The following OPRPN variants were observed in gnomAD, a reference collection of about 807,000 sequenced individuals.
OPRPN encodes the protein basic proline-rich lacrimal protein.
In OPRPN, 1 loss-of-function variant was observed where a neutral mutation model predicts 2.2. The observed-to-expected ratio is 0.45, with a 90% CI of 0.16 to 2.15. The LOEUF (loss-of-function observed/expected upper bound fraction) is 2.15, where lower values mean the gene tolerates loss of function less well. OPRPN is among the 30% of genes most tolerant of loss of function. The pLI, the probability that OPRPN is intolerant of heterozygous loss-of-function variation, is 0.28. For missense variants in OPRPN, 306 were observed against 297.3 expected, an observed-to-expected ratio of 1.03 and a Z score of -0.21; for synonymous variants, 126 against 111.5, an observed-to-expected ratio of 1.13 and a Z score of -0.82.
chr4:70,399,231 C>A lies in OPRPN; in HGVS notation c.-15-40C>A, dbSNP rs868762521. ...ATTTTTTCTGAAAAACACTGTTGAT[C>A]GATTTGGCTAACTGTGGATAATCTT... On this transcript the variant is annotated intron_variant, in intron 1 of 2. Transcript: ENST00000399575. 4 of 1,440,036 alleles carry A rather than the reference C, an allele frequency of 2.8e-6. No homozygotes were observed. In the African/African-American group the frequency reaches 4.3e-5, roughly 15 times the overall value. 89.2% of individuals were successfully genotyped at this position (1,440,036 alleles called of 1,614,324 possible).
At chr4:70,408,813 G>T (rs752363662) in intron 2 of OPRPN, among the ~76,000 whole-genome samples, 1 of 152,128 alleles carries the variant, frequency 6.6e-6, no homozygotes, top group African/African-American at 2.4e-5. Context: ...TAGCTCCATA[G>T]GCTTTTTGTT....
intron 2 of OPRPN, among the ~76,000 whole-genome samples, chr4:70,408,508 T>C (rs1200966181): frequency 6.6e-6 from 1 of 152,220 alleles, no homozygotes; most frequent in African/African-American, 2.4e-5. Context: ...AATTATTTCT[T>C]GAATTGCTAC....
intron 1 of OPRPN, among the ~76,000 whole-genome samples, chr4:70,398,605 C>T (rs756931655): frequency 3.3e-5 from 5 of 151,750 alleles, no homozygotes; most frequent in African/African-American, 1.2e-4. Flanking sequence ...ACCCAGGGTG[C>T]CATGTGCTTC....
At chr4:70,404,134 C>G (rs1413357460) in intron 2 of OPRPN, among the ~76,000 whole-genome samples, 1 of 152,136 alleles carries the variant, frequency 6.6e-6, no homozygotes, top group Non-Finnish European at 1.5e-5. Context: ...TTGGATGAAA[C>G]CACATTTGTC....
rs138004221 is a variant in OPRPN at position 70,405,322 on chromosome 4, T to C, written c.52-4058T>C. ...TAGGAAAAGATAAAAATAATAAGAATGGAGATCAGGGGTCAGCTATTTGCT... is the reference window on the plus strand; with the variant it reads ...TAGGAAAAGATAAAAATAATAAGAACGGAGATCAGGGGTCAGCTATTTGCT... On this transcript the variant is annotated intron_variant, in intron 2 of 2. Transcript: ENST00000399575. Among the ~76,000 whole-genome samples, 951 of 152,234 alleles carry C rather than the reference T, an allele frequency of 6.2e-3. 7 individuals carry two copies. Among genetic ancestry groups the C allele is most frequent in the Middle Eastern group, 0.017 (5 of 294 alleles).
chr4:70,410,172 C>CTAAA lies in OPRPN; in HGVS notation c.*102_*105dup, dbSNP rs3046574. On this transcript the variant is annotated 3_prime_UTR_variant, in exon 3 of 3. Coordinates refer to ENST00000399575, the MANE Select transcript of OPRPN (RefSeq NM_021225.5). The stretch of plus-strand genomic sequence containing the variant: ...AACCAACCCTGATCTAACCAGCACA[C>CTAAA]TAAATAAAGTATTTGAGCAATAATA... 0.43 allele frequency: 332,168 copies of CTAAA among 780,120 alleles called. 77,125 individuals are homozygous for CTAAA. The highest frequency in any genetic ancestry group is 0.65 in the East Asian group (23,309 of 35,862). 48.3% of individuals were successfully genotyped at this position (780,120 alleles called of 1,614,324 possible).
chr4:70,403,745 T>G (rs1733028937), intron 2 of OPRPN, among the ~76,000 whole-genome samples: 1 of 152,100 alleles, frequency 6.6e-6, no homozygotes, highest in African/African-American at 2.4e-5. Context: ...AAACAAAATT[T>G]TAACTTGCCT....
intron 2 of OPRPN, among the ~76,000 whole-genome samples, chr4:70,402,910 A>G (rs1419392970): frequency 6.6e-6 from 1 of 152,008 alleles, no homozygotes; most frequent in Non-Finnish European, 1.5e-5. Flanking sequence ...AGAGAGTTAG[A>G]GGAGGGTGAG....
At chr4:70,404,354 C>T (rs1438688056) in intron 2 of OPRPN, among the ~76,000 whole-genome samples, 1 of 152,172 alleles carries the variant, frequency 6.6e-6, no homozygotes, top group Non-Finnish European at 1.5e-5. Context: ...CTCTAAATGT[C>T]AGAGTCTCCC....
intron 2 of OPRPN, among the ~76,000 whole-genome samples, chr4:70,407,622 G>A (rs964176667): frequency 3.9e-5 from 6 of 152,194 alleles, no homozygotes; most frequent in Non-Finnish European, 8.8e-5. Context: ...GCTAGGAATG[G>A]AGAGAGATAA....
At chr4:70,399,475 T>C in intron 2 of OPRPN, 139 bp downstream of exon 2, 1 of 663,760 alleles carries the variant, frequency 1.5e-6, no homozygotes, top group East Asian at 2.8e-5. Flanking sequence ...TTGCTCTTAC[T>C]TTCCTTTTCC....
chr4:70,398,469 C>T (rs779153058), intron 1 of OPRPN, among the ~76,000 whole-genome samples: 7 of 151,786 alleles, frequency 4.6e-5, no homozygotes, highest in African/African-American at 1.2e-4. Context: ...GGTAGACACA[C>T]GCACATACAA....
At chr4:70,405,045 T>C (rs6600827) in intron 2 of OPRPN, among the ~76,000 whole-genome samples, 150,254 of 152,302 alleles carry the variant, frequency 0.99, 74,155 homozygotes, top group East Asian at 1. Context: ...TACAAAAGTA[T>C]GCTGTTTAAT....
At chr4:70,399,405 A>G (rs1311511918) in intron 2 of OPRPN, 69 bp downstream of exon 2, 8 of 1,338,162 alleles carry the variant, frequency 6.0e-6, no homozygotes, top group Non-Finnish European at 8.4e-6. Flanking sequence ...GAAAGTTTTG[A>G]TACCAAGAAT....
chr4:70,400,540 C>T (rs533858863), intron 2 of OPRPN, among the ~76,000 whole-genome samples: 1 of 151,920 alleles, frequency 6.6e-6, no homozygotes, highest in African/African-American at 2.4e-5. Flanking sequence ...GACCTTATCC[C>T]AGACCTGAGA....
intron 2 of OPRPN, among the ~76,000 whole-genome samples, chr4:70,402,473 A>G (rs1450075075): frequency 1.3e-5 from 2 of 152,114 alleles, no homozygotes; most frequent in Non-Finnish European, 2.9e-5. Context: ...TCTGCTTATC[A>G]CCAAATATGG....
At chr4:70,404,454 C>T (rs775124858) in intron 2 of OPRPN, among the ~76,000 whole-genome samples, 1 of 152,132 alleles carries the variant, frequency 6.6e-6, no homozygotes, top group Non-Finnish European at 1.5e-5. Context: ...TTGACTCTAT[C>T]ACCTCCCAGA....
chr4:70,408,343 T>C (rs1385730024), intron 2 of OPRPN, among the ~76,000 whole-genome samples: 2 of 152,210 alleles, frequency 1.3e-5, no homozygotes, highest in East Asian at 3.8e-4. Flanking sequence ...CATTTGTTTA[T>C]GATATTATCC....
chr4:70,401,246 G>A (rs1338792884), intron 2 of OPRPN, among the ~76,000 whole-genome samples: 1 of 152,002 alleles, frequency 6.6e-6, no homozygotes, highest in Non-Finnish European at 1.5e-5. Context: ...TCTCATGTTA[G>A]AATTAAATAT....
Sources: gnomAD v4.1 joint callset for allele counts (sites outside exome capture counted in the v4.1 genomes callset) on GRCh38, gnomAD v4.1.1 for gene constraint, MANE v1.5 for transcripts, NCBI Gene and HGNC (gene_info 2026-07-23, HGNC 2026-07-21) for gene names.